SIPA1: variants seen among roughly 807,000 people sequenced by gnomAD.
The protein encoded by SIPA1 is signal-induced proliferation-associated 1, also known as signal-induced proliferation-associated protein 1.
A neutral mutation model predicts 88.1 loss-of-function variants in SIPA1; 51 were observed. The observed-to-expected ratio is 0.58, with a 90% CI of 0.46 to 0.73. The LOEUF is 0.73. Among genes scored for constraint, SIPA1 ranks in the 30% least tolerant of loss-of-function variants. The pLI is 0.00. For missense variants in SIPA1, 1,348 were observed against 1,467.6 expected, an observed-to-expected ratio of 0.92 and a Z score of 1.33; for synonymous variants, 681 against 664.8, an observed-to-expected ratio of 1.02 and a Z score of -0.37.
Position 65,646,285 on chromosome 11 carries a change from A to G in SIPA1, c.1328A>G (p.Lys443Arg), listed in dbSNP as rs1856111569. The G allele has an allele frequency of 6.2e-7, 1 of 1,613,964 alleles. No homozygotes were observed. The highest frequency in any genetic ancestry group is 1.7e-5 in the Admixed American group (1 of 60,002). Residue 443 changes from lysine (K) to arginine (R), a missense_variant, in exon 7 of 16, where the codon AAG becomes AGG. Physicochemically the swap from Lys to Arg is conservative, Grantham distance 26. This residue lies in a region of SIPA1 where 641 missense variants were observed against 797.7 expected (regional missense o/e 0.80). Coordinates refer to ENST00000534313, the MANE Select transcript of SIPA1 (RefSeq NM_006747.4). This position sits in a 1 kb window ranked among gnomAD's most constrained non-coding sequence, Gnocchi z 7.5. ...ATCGTGTTCCAGGAGCCTGGCAGCA[A>G]GCCCTTCTGCCCCACCACCATCCGC... ...VTIVFQEPGS[K>R]PFCPTTIRSH... is the part of the protein sequence containing the mutation.
intron 4 of SIPA1, among the ~76,000 whole-genome samples, chr11:65,643,587 G>A (rs1856050539): frequency 6.6e-6 from 1 of 152,220 alleles, no homozygotes; most frequent in Non-Finnish European, 1.5e-5. Context: ...CTGAAACACA[G>A]GAGCAGTACT....
At chr11:65,648,259 T>G (rs1856177307) in intron 9 of SIPA1, among the ~76,000 whole-genome samples, 1 of 152,124 alleles carries the variant, frequency 6.6e-6, no homozygotes. Flanking sequence ...ACTATCTTTT[T>G]TTTTAAGTAT....
intron 1 of SIPA1, among the ~76,000 whole-genome samples, chr11:65,639,537 G>A (rs925536020): frequency 2.6e-5 from 4 of 152,308 alleles, no homozygotes; most frequent in Admixed American, 2.0e-4. Context: ...GGCCCCAGAC[G>A]AAGGGTGTGT....
At chr11:65,645,453 G>C (rs1379923058) in intron 5 of SIPA1, among the ~76,000 whole-genome samples, 1 of 152,030 alleles carries the variant, frequency 6.6e-6, no homozygotes, top group Non-Finnish European at 1.5e-5. Context: ...GGGGCCCCAG[G>C]ACCCCTGGGA....
At chr11:65,647,775 T>C in intron 9 of SIPA1, 117 bp downstream of exon 9, 5 of 800,548 alleles carry the variant, frequency 6.2e-6, no homozygotes, top group Non-Finnish European at 8.3e-6. Flanking sequence ...CCTTTCCTTC[T>C]GGAAAGAATC....
At position 65,649,744 on chromosome 11, in the gene SIPA1, T is replaced by G. The variant is rs1856219923; in HGVS notation, c.2638-13T>G. On this transcript the variant is annotated splice_polypyrimidine_tract_variant and intron_variant, in intron 11 of 15. Coordinates refer to ENST00000534313, the MANE Select transcript of SIPA1 (RefSeq NM_006747.4). ...TGGGCATCACTGAATCTGTATCCAC[T>G]TCTGTGGCACAGGACAGGCCAGGCA... The G allele has an allele frequency of 6.2e-7, 1 of 1,614,070 alleles. No homozygotes were observed. The highest frequency in any genetic ancestry group is 2.2e-5 in the East Asian group (1 of 44,886).
chr11:65,648,616 C>T (rs1856185903), intron 9 of SIPA1, among the ~76,000 whole-genome samples: 1 of 151,972 alleles, frequency 6.6e-6, no homozygotes, highest in African/African-American at 2.4e-5. Flanking sequence ...GGTAGCTCAC[C>T]TGAGGTCAGG....
At position 65,645,904 on chromosome 11, in the gene SIPA1, A is replaced by T; in HGVS notation, c.1210A>T (p.Ile404Phe). 3.1e-6 allele frequency: 5 copies of T among 1,613,690 alleles called. No homozygotes were observed. The highest frequency in any genetic ancestry group is 4.2e-6 in the Non-Finnish European group (5 of 1,179,772). The change falls in exon 6 of 16, where the codon ATC becomes TTC. Residue 404 changes from isoleucine to phenylalanine, a missense_variant. Physicochemically the swap from Ile to Phe is conservative, Grantham distance 21. Transcript: ENST00000534313. ...CTACACCACATACCAGGACCACGAG[A>T]TCATGTTCCACGTGTCCACGATGCT... Reference protein sequence around the residue: ...SLYTTYQDHEIMFHVSTMLPY... With the variant: ...SLYTTYQDHEFMFHVSTMLPY...
chr11:65,645,740 G>A, intron 5 of SIPA1, 114 bp from the exon 6 acceptor site: 1 of 656,376 alleles, frequency 1.5e-6, no homozygotes, highest in Non-Finnish European at 2.6e-6. Context: ...ATGACTGGTT[G>A]TCCACCTGCT....
At chr11:65,639,963 C>T (rs1215849699) in intron 1 of SIPA1, 1 of 152,272 alleles carries the variant, frequency 6.6e-6, no homozygotes, top group East Asian at 1.9e-4. Context: ...TCCTCTGGAC[C>T]TCATCTGACC....
rs778987530 is a variant in SIPA1, at chr11:65,649,469, G to A, written c.2514G>A (p.Leu838=). ...RTEFLHSQNS[L]SPRSSLSDEA... ...AGTTCCTGCACAGCCAGAACTCGCT[G>A]TCACCACGCAGGTGCACACTCTTGG... Residue 838 remains leucine (L), a synonymous_variant, in exon 10 of 16, where the codon CTG becomes CTA. Transcript: ENST00000534313. 6.2e-7 allele frequency: 1 copy of A among 1,613,120 alleles called. No homozygotes were observed. The highest frequency in any genetic ancestry group is 1.1e-5 in the South Asian group (1 of 90,944).
chr11:65,639,563 C>A (rs936870196), intron 1 of SIPA1, among the ~76,000 whole-genome samples: 1 of 152,118 alleles, frequency 6.6e-6, no homozygotes, highest in South Asian at 2.1e-4. Flanking sequence ...CCCTCCTCCA[C>A]CCCCCTCCGG....
intron 2 of SIPA1, 53 bp downstream of exon 2, chr11:65,641,653 C>T: frequency 1.5e-5 from 22 of 1,470,118 alleles, no homozygotes; most frequent in Non-Finnish European, 2.0e-5. Flanking sequence ...GAAGAGGTCC[C>T]TGTCACCTGC....
chr11:65,647,249 C>T, intron 8 of SIPA1, 135 bp from the exon 9 acceptor site: 1 of 1,374,612 alleles, frequency 7.3e-7, no homozygotes, highest in Non-Finnish European at 9.4e-7. Context: ...TGGTCTTCAT[C>T]CCTCGGGCGG....
Position 65,642,023 on chromosome 11 carries a change from G to A in SIPA1, c.680-227G>A. 1 of 597,244 alleles carries A rather than the reference G, an allele frequency of 1.7e-6. No homozygotes were observed. The highest frequency in any genetic ancestry group is 2.9e-6 in the Non-Finnish European group (1 of 350,574). The allele number at this position is 597,244 out of a possible 1,614,324, so 37.0% of individuals were successfully genotyped here. A position where few individuals can be genotyped will look rare whatever the true frequency, so the allele number is the denominator to read the frequency against. On this transcript the variant is annotated intron_variant, in intron 2 of 15. Coordinates refer to ENST00000534313, the MANE Select transcript of SIPA1 (RefSeq NM_006747.4). This position sits in a 1 kb window ranked among gnomAD's most constrained non-coding sequence, Gnocchi z 6.5. ...TGGGTGGAGCCAAGGCAGGATTTAG[G>A]CCTGGGAGCTGGCCGCGTGGGTCTA... is the stretch of plus-strand genomic sequence containing the variant.
Position 65,642,340 on chromosome 11 carries a change from C to A in SIPA1, c.770C>A (p.Thr257Asn). Residue 257 changes from threonine (T) to asparagine (N), a missense_variant, in exon 3 of 16, where the codon ACC (threonine) becomes AAC (asparagine). Thr to Asn is a moderately conservative substitution (Grantham distance 65, BLOSUM62 0). Around this residue, in one of 4 missense-constraint regions of SIPA1, gnomAD observed 641 missense variants for 797.7 expected, o/e 0.80. Coordinates refer to ENST00000534313, the MANE Select transcript of SIPA1 (RefSeq NM_006747.4). This position sits in a 1 kb window ranked among gnomAD's most constrained non-coding sequence, Gnocchi z 6.5. ...GAGAAGGAGGGCAGCGGAGGGGGCACCCTGCACAGCTACCGCGTCATCGTG... is the reference window on the plus strand; with the variant it reads ...GAGAAGGAGGGCAGCGGAGGGGGCAACCTGCACAGCTACCGCGTCATCGTG... The part of the protein sequence containing the change: ...REEKEGSGGG[T>N]LHSYRVIVRT... 1 of 1,561,918 alleles carries A rather than the reference C, an allele frequency of 6.4e-7. No individual in the cohort carries two copies. Among genetic ancestry groups the A allele is most frequent in the Non-Finnish European group, 8.7e-7 (1 of 1,154,352 alleles).
Position 65,647,476 on chromosome 11 carries a change from C to A in SIPA1, c.2124C>A (p.Val708=). 1 of 1,476,080 alleles carries A rather than the reference C, an allele frequency of 6.8e-7. No homozygotes were observed. The highest frequency in any genetic ancestry group is 8.9e-7 in the Non-Finnish European group (1 of 1,121,950). The allele number at this position is 1,476,080 out of a possible 1,614,324, so 91.4% of individuals were successfully genotyped here. ...TCGAGGTGGACGCCGAGGGATTCGT[C>A]ACGCACGTGGAGCGCTTCACATTCG... ...LGFEVDAEGF[V]THVERFTFAE... Residue 708 remains valine, a synonymous_variant, in exon 9 of 16, where the codon GTC becomes GTA. Transcript: ENST00000534313.
intron 4 of SIPA1, 108 bp from the exon 5 acceptor site, chr11:65,644,847 G>A: frequency 8.6e-7 from 1 of 1,163,090 alleles, no homozygotes; most frequent in Non-Finnish European, 1.2e-6. Flanking sequence ...AAGTGGCTCA[G>A]AGAGGGCTGG....
At chr11:65,647,152 A>C in intron 8 of SIPA1, 87 bp downstream of exon 8, 2 of 1,409,774 alleles carry the variant, frequency 1.4e-6, no homozygotes, top group South Asian at 1.5e-5. Context: ...TTTGTCCCCT[A>C]CTCCTGCGGA....
Sources: allele counts gnomAD v4.1 joint callset (sites outside exome capture counted in the v4.1 genomes callset), GRCh38; gene constraint gnomAD v4.1.1; regional missense constraint gnomAD v4.1.1; non-coding constraint Gnocchi (gnomAD v3.1); transcripts MANE v1.5; gene names NCBI Gene and HGNC (gene_info 2026-07-23, HGNC 2026-07-21).